The following FBXW11 variants were observed in gnomAD, a reference collection of about 807,000 sequenced individuals.
FBXW11 encodes the protein F-box and WD repeat domain containing 11.
Under a neutral mutation model 77.6 loss-of-function variants are expected in FBXW11, and 19 were observed. The ratio of observed to expected loss-of-function variants is 0.24; its 90% confidence interval spans 0.17 to 0.36. The LOEUF (loss-of-function observed/expected upper bound fraction) is 0.36, where lower values mean the gene tolerates loss of function less well. Ranked by LOEUF, FBXW11 falls within the 10% of genes least tolerant of loss-of-function variation. FBXW11 has a pLI of 1.00. For missense variants in FBXW11, 334 were observed against 704.2 expected (o/e 0.47, Z 5.95); for synonymous variants, 235 against 249.4 (o/e 0.94, Z 0.54).
intron 2 of FBXW11, among the ~76,000 whole-genome samples, chr5:171,934,045 G>T (rs1424920882): frequency 1.3e-5 from 2 of 152,176 alleles, no homozygotes; most frequent in African/African-American, 4.8e-5. Flanking sequence ...TTTCCCTAAG[G>T]ATGGTACATA....
chr5:171,952,422 C>CATACATATATATAT (rs1331758426), intron 2 of FBXW11, among the ~76,000 whole-genome samples: 1 of 14,644 alleles, frequency 6.8e-5, no homozygotes, highest in Non-Finnish European at 1.3e-4. Context: ...TGTGTACATA[C>CATACATATATATAT]ATATATATAT....
intron 6 of FBXW11, among the ~76,000 whole-genome samples, chr5:171,894,526 T>C (rs1561658075): frequency 1.3e-5 from 2 of 151,842 alleles, no homozygotes; most frequent in Non-Finnish European, 2.9e-5. Flanking sequence ...GATGAGGGAG[T>C]TGACTGCTTT....
intron 2 of FBXW11, among the ~76,000 whole-genome samples, chr5:171,915,216 T>C (rs1296666260): frequency 6.6e-6 from 1 of 152,220 alleles, no homozygotes; most frequent in Non-Finnish European, 1.5e-5. Flanking sequence ...GCAGTCTCTC[T>C]AAATTCCTTC....
At chr5:171,943,145 A>C (rs1211243614) in intron 2 of FBXW11, among the ~76,000 whole-genome samples, 2 of 152,244 alleles carry the variant, frequency 1.3e-5, no homozygotes, top group Admixed American at 1.3e-4. Context: ...GGTTTTCTAA[A>C]GAGAGGAACC....
At chr5:171,942,904 T>G (rs1163174534) in intron 2 of FBXW11, among the ~76,000 whole-genome samples, 3 of 152,186 alleles carry the variant, frequency 2.0e-5, no homozygotes, top group African/African-American at 4.8e-5. Flanking sequence ...TTCTGTGAAC[T>G]CTACCAGATG....
chr5:171,980,016 G>A (rs888842837), intron 1 of FBXW11, among the ~76,000 whole-genome samples: 1 of 152,200 alleles, frequency 6.6e-6, no homozygotes, highest in African/African-American at 2.4e-5. Context: ...GGAATGCTGA[G>A]AAAGGTAAAA....
At chr5:171,985,707 CA>C (rs911940773) in intron 1 of FBXW11, among the ~76,000 whole-genome samples, 6 of 152,110 alleles carry the variant, frequency 3.9e-5, no homozygotes, top group African/African-American at 1.4e-4. Context: ...TTAGAGGCTG[CA>C]GTAAGCTATG....
intron 10 of FBXW11, among the ~76,000 whole-genome samples, chr5:171,871,575 C>T (rs1455291973): frequency 6.6e-6 from 1 of 152,242 alleles, no homozygotes; most frequent in African/African-American, 2.4e-5. Flanking sequence ...GTCTTTTTCT[C>T]TGCATATGAT....
At chr5:171,956,348 C>A (rs1237414487) in intron 2 of FBXW11, among the ~76,000 whole-genome samples, 4 of 152,160 alleles carry the variant, frequency 2.6e-5, no homozygotes, top group Non-Finnish European at 5.9e-5. Context: ...TTACACTGAG[C>A]CTCACTGAAG....
At chr5:171,925,907 A>G (rs1016861637) in intron 2 of FBXW11, among the ~76,000 whole-genome samples, 1 of 152,222 alleles carries the variant, frequency 6.6e-6, no homozygotes, top group African/African-American at 2.4e-5. Context: ...TCAGGGAAAC[A>G]CTATTTTAGA....
intron 1 of FBXW11, among the ~76,000 whole-genome samples, chr5:171,979,056 G>A (rs1455987849): frequency 6.6e-6 from 1 of 152,042 alleles, no homozygotes; most frequent in Non-Finnish European, 1.5e-5. Flanking sequence ...AAAACCTTTG[G>A]CTATATGAAA....
At chr5:171,870,974 A>C (rs1313249972) in intron 10 of FBXW11, 116 bp from the exon 11 acceptor site, 1 of 660,096 alleles carries the variant, frequency 1.5e-6, no homozygotes, top group African/African-American at 1.8e-5. Flanking sequence ...GGAGCTCTTT[A>C]TTTCTATCTC....
In FBXW11 at chr5:171,876,125, C is replaced by G. The variant is rs1011553235; in HGVS notation, c.1221+160G>C. Among the ~76,000 whole-genome samples the G allele has an allele frequency of 2.6e-5, 4 of 152,214 alleles. No homozygotes were observed. The highest frequency in any genetic ancestry group is 2.0e-4 in the Admixed American group (3 of 15,292). ...ATGGCTTTTCCTCCTACCTTGCCTACAACTCTACAGATATACAGAGTGGGA... is the reference window on the plus strand; with the variant it reads ...ATGGCTTTTCCTCCTACCTTGCCTAGAACTCTACAGATATACAGAGTGGGA... On this transcript the variant is annotated intron_variant, in intron 9 of 13. Transcript: ENST00000517395. This position sits in a 1 kb window ranked among gnomAD's most constrained non-coding sequence, Gnocchi z 4.2.
chr5:171,865,076 T>C lies in FBXW11; in HGVS notation c.*26-975A>G, dbSNP rs541525021. ...CAAAGATCAAGAATCTTAAGTCTTC[T>C]CAATGAATTTAAGATTCAATTTCAT... On this transcript the variant is annotated intron_variant, in intron 13 of 13. Transcript: ENST00000517395. 2.6e-5 allele frequency among the ~76,000 whole-genome samples: 4 copies of C among 152,222 alleles called. No individual in the cohort carries two copies. The South Asian group carries it at 8.3e-4, about 32-fold the overall frequency.
At chr5:171,996,999 C>T (rs1766092479) in intron 1 of FBXW11, 3 of 1,289,760 alleles carry the variant, frequency 2.3e-6, no homozygotes, top group Non-Finnish European at 3.0e-6. Context: ...AGATTCTTTC[C>T]GTTTACTGTA....
chr5:171,922,064 A>C (rs1761630075), intron 2 of FBXW11, among the ~76,000 whole-genome samples: 1 of 151,352 alleles, frequency 6.6e-6, no homozygotes, highest in African/African-American at 2.4e-5. Context: ...AAAGTTGGAA[A>C]CAAACAAACA....
intron 1 of FBXW11, among the ~76,000 whole-genome samples, chr5:171,982,826 A>C (rs1461856423): frequency 2.0e-5 from 3 of 152,082 alleles, no homozygotes; most frequent in Non-Finnish European, 4.4e-5. Flanking sequence ...GACCCGAGGC[A>C]CGACTCTAAT....
At chr5:172,002,390 G>C (rs906885600) in intron 1 of FBXW11, among the ~76,000 whole-genome samples, 1 of 151,328 alleles carries the variant, frequency 6.6e-6, no homozygotes, top group East Asian at 1.9e-4. Flanking sequence ...AGGCAGGTCA[G>C]TGAGGTCCAT....
At chr5:171,945,524 T>TAA (rs1384029538) in intron 2 of FBXW11, among the ~76,000 whole-genome samples, 1 of 152,188 alleles carries the variant, frequency 6.6e-6, no homozygotes, top group Non-Finnish European at 1.5e-5. Context: ...ATAAAGTTTA[T>TAA]AAAGTGAAGA....
Sources: allele counts gnomAD v4.1 joint callset (sites outside exome capture counted in the v4.1 genomes callset), GRCh38; gene constraint gnomAD v4.1.1; non-coding constraint Gnocchi (gnomAD v3.1); transcripts MANE v1.5; gene names NCBI Gene and HGNC (gene_info 2026-07-23, HGNC 2026-07-21).